The following SLC12A7 variants were observed in gnomAD, a reference collection of about 807,000 sequenced individuals.
The protein encoded by SLC12A7 is K-Cl cotransporter 4.
SLC12A7 carries 100 observed loss-of-function variants against 120.6 expected under a neutral mutation model. The ratio of observed to expected loss-of-function variants is 0.83; its 90% CI spans 0.71 to 0.98. SLC12A7 has a LOEUF of 0.98. Among genes scored for constraint, SLC12A7 ranks in the 50% least tolerant of loss-of-function variants. SLC12A7 has a pLI of 0.00. For missense variants in SLC12A7, 1,373 were observed against 1,548.1 expected, an observed-to-expected ratio of 0.89 and a Z score of 1.90; for synonymous variants, 760 against 678.0, an observed-to-expected ratio of 1.12 and a Z score of -1.88.
chr5:1,052,653 G>A (rs1003844838), intron 23 of SLC12A7, among the ~76,000 whole-genome samples: 11 of 152,152 alleles, frequency 7.2e-5, no homozygotes, highest in South Asian at 6.2e-4. Context: ...GCCAGTGCTC[G>A]GGAAAGAGAG....
the SLC12A7 span, among the ~76,000 whole-genome samples, chr5:1,142,799 C>A: frequency 6.6e-6 from 1 of 151,042 alleles, no homozygotes; most frequent in Admixed American, 6.6e-5. Flanking sequence ...AGCTGCCCCC[C>A]CCATACACAC....
chr5:1,065,245 C>T (rs572558618), intron 18 of SLC12A7, 38 bp downstream of exon 18: 39 of 1,455,642 alleles, frequency 2.7e-5, no homozygotes, highest in Middle Eastern at 3.6e-4. Flanking sequence ...ACAGAGGGGA[C>T]GGTGAGGGGA....
chr5:1,078,442 CT>C (rs1450951997), intron 11 of SLC12A7: 2 of 587,748 alleles, frequency 3.4e-6, no homozygotes, highest in African/African-American at 3.7e-5. Context: ...GTCCACACCC[CT>C]GTGGCCTCCC....
the SLC12A7 span, among the ~76,000 whole-genome samples, chr5:1,129,989 G>C: frequency 8.5e-5 from 13 of 152,204 alleles, no homozygotes; most frequent in Non-Finnish European, 1.9e-4. Flanking sequence ...AGCTGGGGCA[G>C]TCAAAGCTAC....
At chr5:1,109,765 C>T (rs147201303) in intron 1 of SLC12A7, among the ~76,000 whole-genome samples, 16 of 152,368 alleles carry the variant, frequency 1.1e-4, no homozygotes, top group Middle Eastern at 3.4e-3. Flanking sequence ...CTGGCAGTGC[C>T]TAGGATCAGC....
At chr5:1,085,500 C>T in intron 6 of SLC12A7, 27 bp from the exon 7 acceptor site, 3 of 1,561,958 alleles carry the variant, frequency 1.9e-6, no homozygotes, top group Non-Finnish European at 2.6e-6. Context: ...GGTCGGGAGG[C>T]CGTCCCCGGA....
At chr5:1,107,603 C>T (rs568629874) in intron 1 of SLC12A7, among the ~76,000 whole-genome samples, 4 of 152,340 alleles carry the variant, frequency 2.6e-5, no homozygotes, top group African/African-American at 9.6e-5. Flanking sequence ...GACCAGCCGC[C>T]CTGCACCCAG....
chr5:1,082,950 G>A (rs1461786983), intron 8 of SLC12A7, among the ~76,000 whole-genome samples: 3 of 92,744 alleles, frequency 3.2e-5, no homozygotes, highest in East Asian at 3.0e-4. Flanking sequence ...TTCCCGTCTC[G>A]GGTTCTGGAA....
rs543952182 is a variant in SLC12A7 at position 1,075,039 on chromosome 5, C to T, written c.1967+332G>A. Among the ~76,000 whole-genome samples, 7 of 152,278 alleles carry T rather than the reference C, an allele frequency of 4.6e-5. No individual in the cohort carries two copies. The South Asian group carries it at 6.2e-4, about 14-fold the overall frequency. On this transcript the variant is annotated intron_variant, in intron 15 of 23. Coordinates refer to ENST00000264930, the MANE Select transcript of SLC12A7 (RefSeq NM_006598.3). ...CACGGGGAAGGACGCCTGTGGCTGC[C>T]GAGTGAGTACAGACACAACCTGGGG...
the SLC12A7 span, among the ~76,000 whole-genome samples, chr5:1,149,985 G>A: frequency 4.3e-4 from 65 of 152,286 alleles, no homozygotes; most frequent in South Asian, 1.2e-3. Context: ...AGCTGAGATC[G>A]TGCCATTGCA....
the SLC12A7 span, among the ~76,000 whole-genome samples, chr5:1,142,135 C>A: frequency 6.6e-6 from 1 of 151,940 alleles, no homozygotes; most frequent in African/African-American, 2.4e-5. Flanking sequence ...CACCCGGCCA[C>A]CCCTGGCAGC....
the SLC12A7 span, among the ~76,000 whole-genome samples, chr5:1,122,904 G>A: frequency 6.6e-6 from 1 of 152,270 alleles, no homozygotes; most frequent in Non-Finnish European, 1.5e-5. Flanking sequence ...ATGAAAATGT[G>A]TAAAATGTGT....
At chr5:1,055,599 C>A (rs1735528975) in intron 22 of SLC12A7, among the ~76,000 whole-genome samples, 1 of 152,212 alleles carries the variant, frequency 6.6e-6, no homozygotes, top group African/African-American at 2.4e-5. Flanking sequence ...TCCATTCTGG[C>A]CCACCTTCTC....
chr5:1,064,055 G>C, intron 19 of SLC12A7, 28 bp downstream of exon 19: 1 of 1,600,566 alleles, frequency 6.2e-7, no homozygotes, highest in Non-Finnish European at 8.5e-7. Flanking sequence ...CCGTGCTCCG[G>C]CTGGCGTGTC....
chr5:1,099,129 G>C (rs1741712140), intron 1 of SLC12A7, among the ~76,000 whole-genome samples: 2 of 152,160 alleles, frequency 1.3e-5, no homozygotes, highest in Admixed American at 1.3e-4. Flanking sequence ...TGCACCAGTG[G>C]CCTCTGCCAA....
chr5:1,086,622 C>G (rs1051732803), intron 6 of SLC12A7, among the ~76,000 whole-genome samples: 1 of 152,242 alleles, frequency 6.6e-6, no homozygotes, highest in East Asian at 1.9e-4. Context: ...ACTGCACCTA[C>G]GCGGGGCTCA....
the SLC12A7 span, among the ~76,000 whole-genome samples, chr5:1,138,140 G>A: frequency 1.6e-4 from 25 of 152,156 alleles, no homozygotes; most frequent in Admixed American, 1.6e-3. Flanking sequence ...GCTCTTAAAC[G>A]TGGCACGGAC....
intron 17 of SLC12A7, among the ~76,000 whole-genome samples, 169 bp from the exon 18 acceptor site, chr5:1,065,647 ATG>A (rs1736975297): frequency 6.6e-6 from 1 of 152,070 alleles, no homozygotes; most frequent in South Asian, 2.1e-4. Flanking sequence ...CTGTGTGTGT[ATG>A]TGTGTATGTG....
At chr5:1,148,268 G>A in the SLC12A7 span, among the ~76,000 whole-genome samples, 1 of 132,370 alleles carries the variant, frequency 7.6e-6, no homozygotes, top group East Asian at 2.3e-4. Context: ...GTGCAGTGGT[G>A]CGATCTCCAC....
Sources: allele counts gnomAD v4.1 joint callset (sites outside exome capture counted in the v4.1 genomes callset), GRCh38; gene constraint gnomAD v4.1.1; transcripts MANE v1.5; gene names NCBI Gene and HGNC (gene_info 2026-07-23, HGNC 2026-07-21).